The following MAPRE3 variants were observed in gnomAD, a reference collection of about 807,000 sequenced individuals.
MAPRE3 encodes the protein microtubule associated protein RP/EB family member 3, also known as microtubule-associated protein RP/EB family member 3.
A neutral mutation model predicts 30.5 loss-of-function variants in MAPRE3; 2 were observed. The observed-to-expected ratio is 0.07, with a 90% confidence interval of 0.03 to 0.21. The LOEUF is 0.21. MAPRE3 is among the 10% of genes least tolerant of loss of function. MAPRE3 has a pLI of 1.00. For missense variants in MAPRE3, 204 were observed against 351.8 expected (o/e 0.58, Z 3.36); for synonymous variants, 110 against 127.7 (o/e 0.86, Z 0.93).
rs375735703 is a variant in MAPRE3, at chr2:26,980,902, G to A, written c.-8+10100G>A. Among the ~76,000 whole-genome samples, 15 of 152,280 alleles carry A rather than the reference G, an allele frequency of 9.9e-5. No homozygotes were observed. The East Asian group carries it at 2.7e-3, about 27-fold the overall frequency. ...GACAAGAGAGAAATAAAGCAAAAAG[G>A]AATGATCTTTAGGATCCCAGGGAAA... On this transcript the variant is annotated intron_variant, in intron 1 of 6. Coordinates refer to ENST00000233121, the MANE Select transcript of MAPRE3 (RefSeq NM_012326.4).
At chr2:27,008,921 G>T (rs542593566) in intron 1 of MAPRE3, among the ~76,000 whole-genome samples, 4 of 152,094 alleles carry the variant, frequency 2.6e-5, no homozygotes, top group Non-Finnish European at 5.9e-5. Flanking sequence ...AGTTAAAGGC[G>T]CTATGCTGAG....
chr2:27,021,785 A>T (rs1667114865), intron 1 of MAPRE3, among the ~76,000 whole-genome samples: 1 of 152,082 alleles, frequency 6.6e-6, no homozygotes, highest in African/African-American at 2.4e-5. Context: ...AATGCCTTCC[A>T]CCCATCCCTT....
chr2:26,981,384 G>T (rs990561062), intron 1 of MAPRE3, among the ~76,000 whole-genome samples: 11 of 152,048 alleles, frequency 7.2e-5, no homozygotes, highest in Non-Finnish European at 1.6e-4. Context: ...GACAGGCGCT[G>T]GTTGTCAGCC....
At chr2:26,992,531 AT>A (rs376479759) in intron 1 of MAPRE3, among the ~76,000 whole-genome samples, 2,302 of 125,806 alleles carry the variant, frequency 0.018, 23 homozygotes, top group African/African-American at 0.034. Context: ...GGCCCAGATA[AT>A]TTTTTTTTTT....
At chr2:27,004,073 G>A (rs947064728) in intron 1 of MAPRE3, among the ~76,000 whole-genome samples, 4 of 152,090 alleles carry the variant, frequency 2.6e-5, no homozygotes, top group African/African-American at 4.8e-5. Flanking sequence ...CTGTGCCCAC[G>A]AGCCATACAC....
chr2:27,025,473 AGTGCCTGCCTGTCGCAT>A, intron 4 of MAPRE3, 93 bp from the exon 5 acceptor site: 1 of 1,127,926 alleles, frequency 8.9e-7, no homozygotes, highest in Non-Finnish European at 1.3e-6. Context: ...GGGGGGTGAG[AGTGCCTGCCTGTCGCAT>A]GGGCCTGCCC....
At position 27,018,023 on chromosome 2, in the gene MAPRE3, C is replaced by A. The variant is rs540883093; in HGVS notation, c.-7-4189C>A. 3.4e-3 allele frequency among the ~76,000 whole-genome samples: 517 copies of A among 152,250 alleles called. 8 individuals are homozygous for A. The highest frequency in any genetic ancestry group is 6.8e-3 in the Middle Eastern group (2 of 294). ...GGAAAGCTGCCCCCAGGCTGGAAGA[C>A]CCTTGAGGCTCAAATGATTTCAATC... is the stretch of plus-strand genomic sequence containing the variant. On this transcript the variant is annotated intron_variant, in intron 1 of 6. Transcript: ENST00000233121.
intron 1 of MAPRE3, among the ~76,000 whole-genome samples, chr2:27,001,128 T>C (rs907624612): frequency 3.9e-5 from 6 of 152,348 alleles, no homozygotes; most frequent in African/African-American, 7.2e-5. Flanking sequence ...AATACAATCA[T>C]ACATTGCTTA....
chr2:26,971,769 A>G (rs1345368221), intron 1 of MAPRE3, among the ~76,000 whole-genome samples: 1 of 152,044 alleles, frequency 6.6e-6, no homozygotes, highest in Non-Finnish European at 1.5e-5. Context: ...AACTAATTGG[A>G]TAGTAGTGAG....
chr2:27,021,112 G>T (rs1194900519), intron 1 of MAPRE3, among the ~76,000 whole-genome samples: 3 of 152,170 alleles, frequency 2.0e-5, no homozygotes, highest in Non-Finnish European at 2.9e-5. Context: ...ATCTAGAGAT[G>T]ATTTAAATCA....
intron 1 of MAPRE3, among the ~76,000 whole-genome samples, chr2:27,003,475 A>G (rs1666649084): frequency 6.6e-6 from 1 of 152,144 alleles, no homozygotes; most frequent in South Asian, 2.1e-4. Flanking sequence ...GAGAGGTGAC[A>G]CCCTCAAGAG....
rs1051050042 is a variant in MAPRE3, at chr2:27,015,226, G to A, written c.-7-6986G>A. On this transcript the variant is annotated intron_variant, in intron 1 of 6. Transcript: ENST00000233121. The surrounding 1 kb of genome is among the most constrained non-coding windows in gnomAD (Gnocchi z 4.0). ...GATTCTCACTGTCTGTCCCCGCGAT[G>A]CTGACAGCACTTGCCAAATACATAC... Among the ~76,000 whole-genome samples the A allele has an allele frequency of 1.9e-4, 29 of 152,254 alleles. No individual in the cohort carries two copies. Among genetic ancestry groups the A allele is most frequent in the Non-Finnish European group, 3.7e-4 (25 of 68,044 alleles).
intron 1 of MAPRE3, among the ~76,000 whole-genome samples, chr2:26,999,350 A>G (rs559888511): frequency 6.6e-6 from 1 of 152,234 alleles, no homozygotes; most frequent in South Asian, 2.1e-4. Flanking sequence ...AACAACCTGG[A>G]CAAGGATGAT....
intron 1 of MAPRE3, among the ~76,000 whole-genome samples, chr2:27,004,103 G>A (rs917588187): frequency 2.0e-5 from 3 of 152,158 alleles, no homozygotes; most frequent in Non-Finnish European, 2.9e-5. Context: ...TCCAAAAAGC[G>A]CTTCTATTTT....
At chr2:26,981,818 G>A (rs962806033) in intron 1 of MAPRE3, among the ~76,000 whole-genome samples, 6 of 152,192 alleles carry the variant, frequency 3.9e-5, no homozygotes, top group Non-Finnish European at 7.3e-5. Context: ...CACTCCAGTA[G>A]TGTTCAAAAT....
intron 1 of MAPRE3, among the ~76,000 whole-genome samples, chr2:27,006,228 A>C (rs780018168): frequency 5.9e-5 from 9 of 152,150 alleles, no homozygotes; most frequent in Non-Finnish European, 8.8e-5. Flanking sequence ...AGTGTGTGGA[A>C]GCCATTAGCT....
At chr2:26,982,288 T>C (rs1572743829) in intron 1 of MAPRE3, among the ~76,000 whole-genome samples, 1 of 152,352 alleles carries the variant, frequency 6.6e-6, no homozygotes, top group East Asian at 1.9e-4. Context: ...TGAAGCCATT[T>C]ACACAGCTCA....
At chr2:26,980,544 T>C (rs935289773) in intron 1 of MAPRE3, among the ~76,000 whole-genome samples, 6 of 152,238 alleles carry the variant, frequency 3.9e-5, no homozygotes, top group Admixed American at 6.5e-5. Flanking sequence ...TCCCATCATA[T>C]TGATACCAGT....
chr2:27,024,315 G>A lies in MAPRE3; in HGVS notation c.469+18G>A. ...CACAGCAGGTAACGTGCCCGAGCCG[G>A]GGGAGGGAGCGTGGGGGGCCGGGCC... On this transcript the variant is annotated intron_variant, in intron 4 of 6. Transcript: ENST00000233121. The A allele has an allele frequency of 6.2e-7, 1 of 1,609,866 alleles. No homozygotes were observed. Among genetic ancestry groups the A allele is most frequent in the East Asian group, 2.2e-5 (1 of 44,752 alleles).
Sources: allele counts gnomAD v4.1 joint callset (sites outside exome capture counted in the v4.1 genomes callset), GRCh38; gene constraint gnomAD v4.1.1; non-coding constraint Gnocchi (gnomAD v3.1); transcripts MANE v1.5; gene names NCBI Gene and HGNC (gene_info 2026-07-23, HGNC 2026-07-21).